NLN: variants seen among roughly 807,000 people sequenced by gnomAD.
NLN encodes the protein neurolysin, mitochondrial.
NLN carries 64 observed loss-of-function variants against 79.9 expected under a neutral mutation model. That is an observed-to-expected ratio of 0.80 (90% CI 0.65 to 0.99). The LOEUF (loss-of-function observed/expected upper bound fraction) is 0.99. NLN is among the 50% of genes least tolerant of loss of function. The pLI is 0.00. For synonymous variants in NLN, 267 were observed against 296.6 expected (o/e 0.90, Z 1.02); for missense variants, 835 against 858.7 (o/e 0.97, Z 0.34).
intron 1 of NLN, among the ~76,000 whole-genome samples, chr5:65,756,612 C>T (rs552719195): frequency 6.6e-6 from 1 of 152,214 alleles, no homozygotes; most frequent in African/African-American, 2.4e-5. Flanking sequence ...CTATGGCTCT[C>T]GAATTGCCTT....
intron 2 of NLN, among the ~76,000 whole-genome samples, chr5:65,759,531 C>G (rs1226411953): frequency 1.3e-5 from 2 of 151,938 alleles, no homozygotes; most frequent in Admixed American, 6.6e-5. Context: ...TCCAGAATCT[C>G]AGTGGGGGCT....
chr5:65,732,227 C>T (rs1368268786), intron 1 of NLN, among the ~76,000 whole-genome samples: 3 of 152,232 alleles, frequency 2.0e-5, no homozygotes, highest in African/African-American at 7.2e-5. Flanking sequence ...CTTATGAAAT[C>T]TGGATTTCCC....
chr5:65,758,881 T>C, intron 2 of NLN, 55 bp downstream of exon 2: 4 of 1,481,984 alleles, frequency 2.7e-6, no homozygotes, highest in Non-Finnish European at 3.7e-6. Flanking sequence ...TCTTAAATCA[T>C]TTCATGCTTT....
intron 9 of NLN, among the ~76,000 whole-genome samples, chr5:65,797,114 G>C (rs2150766944): frequency 6.6e-6 from 1 of 152,330 alleles, no homozygotes; most frequent in East Asian, 1.9e-4. Context: ...GGTGATATCT[G>C]TAGTATCTGT....
chr5:65,774,084 C>A (rs1759629325), intron 3 of NLN, among the ~76,000 whole-genome samples: 1 of 139,978 alleles, frequency 7.1e-6, no homozygotes. Context: ...TGTTTTTAAC[C>A]ATTAGATAGC....
At chr5:65,734,320 A>G (rs1561178177) in intron 1 of NLN, among the ~76,000 whole-genome samples, 1 of 138,192 alleles carries the variant, frequency 7.2e-6, no homozygotes, top group African/African-American at 2.8e-5. Flanking sequence ...TAAAGGAAGC[A>G]CACGGTCATG....
At chr5:65,734,984 A>G (rs1005953440) in intron 1 of NLN, among the ~76,000 whole-genome samples, 5 of 152,250 alleles carry the variant, frequency 3.3e-5, no homozygotes, top group African/African-American at 1.2e-4. Context: ...CCAATTGGAC[A>G]GCTCCTGAGG....
intron 1 of NLN, chr5:65,722,639 G>T (rs1302934658): frequency 1.9e-6 from 1 of 526,916 alleles, no homozygotes; most frequent in Non-Finnish European, 3.3e-6. Flanking sequence ...ATTCCTCTTT[G>T]TTTGGGACTG....
rs564601672 is a variant in NLN, at chr5:65,800,045, G to A, written c.1527+7390G>A. Among the ~76,000 whole-genome samples, 8 of 152,308 alleles carry A rather than the reference G, an allele frequency of 5.3e-5. No homozygotes were observed. In the South Asian group the frequency reaches 8.3e-4, roughly 16 times the overall value. On this transcript the variant is annotated intron_variant, in intron 9 of 12. Transcript: ENST00000380985. ...TACTGGATCACCTCAGACAGCCAAT[G>A]TCAGGTCTCCTGAGGCCTGTCCTTT...
chr5:65,724,431 TA>T (rs1758410385), intron 1 of NLN, among the ~76,000 whole-genome samples: 1 of 152,238 alleles, frequency 6.6e-6, no homozygotes. Context: ...ATTTCCTTTT[TA>T]AAACTGAATA....
chr5:65,736,385 T>C (rs1561179122), intron 1 of NLN, among the ~76,000 whole-genome samples: 1 of 152,244 alleles, frequency 6.6e-6, no homozygotes, highest in African/African-American at 2.4e-5. Flanking sequence ...GCTATGAATA[T>C]TCTTATAATG....
intron 6 of NLN, among the ~76,000 whole-genome samples, chr5:65,782,423 A>G (rs1331067117): frequency 1.3e-5 from 2 of 152,240 alleles, no homozygotes; most frequent in African/African-American, 4.8e-5. Flanking sequence ...AATCAGATGC[A>G]TGTCAAAATA....
At chr5:65,754,382 A>C (rs1022044000) in intron 1 of NLN, among the ~76,000 whole-genome samples, 4 of 152,184 alleles carry the variant, frequency 2.6e-5, no homozygotes, top group Admixed American at 1.3e-4. Context: ...ATTCCAAGCA[A>C]GAGTACTGAG....
intron 1 of NLN, among the ~76,000 whole-genome samples, chr5:65,747,720 C>T (rs527842833): frequency 1.3e-5 from 2 of 152,326 alleles, no homozygotes; most frequent in African/African-American, 4.8e-5. Context: ...GTGCAGTTCA[C>T]CCTCAGGAAA....
chr5:65,777,991 T>C lies in NLN; in HGVS notation c.558+457T>C, dbSNP rs1361407368. ...TTGTACAAGTTTTATTTATTTCATG[T>C]GTGTTGAGCTTATTTTCCCTTCCCT... On this transcript the variant is annotated intron_variant, in intron 4 of 12. Transcript: ENST00000380985. Among the ~76,000 whole-genome samples, 3 of 152,340 alleles carry C rather than the reference T, an allele frequency of 2.0e-5. No homozygotes were observed. The East Asian group carries it at 5.8e-4, about 29-fold the overall frequency.
chr5:65,748,534 A>C (rs532507237), intron 1 of NLN, among the ~76,000 whole-genome samples: 1 of 152,184 alleles, frequency 6.6e-6, no homozygotes, highest in East Asian at 1.9e-4. Flanking sequence ...CCAAGGTGGG[A>C]GAATTGTTGA....
chr5:65,741,557 A>G (rs930290990), intron 1 of NLN, among the ~76,000 whole-genome samples: 1 of 152,192 alleles, frequency 6.6e-6, no homozygotes, highest in African/African-American at 2.4e-5. Context: ...AGTATTAAAT[A>G]ATGTACTGAA....
chr5:65,725,842 G>A (rs530307999), intron 1 of NLN, among the ~76,000 whole-genome samples: 17 of 152,324 alleles, frequency 1.1e-4, no homozygotes, highest in African/African-American at 3.8e-4. Context: ...GCTGGGCACG[G>A]TGGCTCACGC....
At chr5:65,756,028 G>T (rs1759209565) in intron 1 of NLN, among the ~76,000 whole-genome samples, 1 of 152,110 alleles carries the variant, frequency 6.6e-6, no homozygotes, top group Admixed American at 6.6e-5. Flanking sequence ...CCAGAGTCAT[G>T]AATGGCATTC....
Sources: allele counts gnomAD v4.1 joint callset (sites outside exome capture counted in the v4.1 genomes callset), GRCh38; gene constraint gnomAD v4.1.1; transcripts MANE v1.5; gene names NCBI Gene and HGNC (gene_info 2026-07-23, HGNC 2026-07-21).